BMAL2: variants seen among roughly 807,000 people sequenced by gnomAD.
The protein encoded by BMAL2 is basic helix-loop-helix ARNT-like protein 2.
At chr12:27,363,295 T>TA in the BMAL2 span, among the ~76,000 whole-genome samples, 2 of 152,344 alleles carry the variant, frequency 1.3e-5, no homozygotes, top group Admixed American at 1.3e-4. Flanking sequence ...ATGCATTTCT[T>TA]ATACCTGTCA....
the BMAL2 span, among the ~76,000 whole-genome samples, chr12:27,395,787 A>G: frequency 6.6e-6 from 1 of 152,226 alleles, no homozygotes; most frequent in Non-Finnish European, 1.5e-5. Context: ...GAATTCTGGG[A>G]GGAACTAAAG....
chr12:27,367,301 CTG>C, the BMAL2 span, among the ~76,000 whole-genome samples: 4 of 152,226 alleles, frequency 2.6e-5, no homozygotes, highest in African/African-American at 9.6e-5. Flanking sequence ...AGAGGGATGA[CTG>C]TGGTGTGAGA....
chr12:27,368,176 A>C, the BMAL2 span: 2 of 1,472,748 alleles, frequency 1.4e-6, no homozygotes, highest in Non-Finnish European at 1.8e-6. Context: ...AAGATAGAAA[A>C]GTCATTTAAA....
the BMAL2 span, among the ~76,000 whole-genome samples, chr12:27,375,988 C>G: frequency 6.6e-6 from 1 of 152,120 alleles, no homozygotes; most frequent in Admixed American, 6.5e-5. Context: ...TTTGGTTAAG[C>G]CATCAATGAT....
the BMAL2 span, chr12:27,422,913 G>A: frequency 6.6e-6 from 1 of 152,212 alleles, no homozygotes; most frequent in East Asian, 1.9e-4. Flanking sequence ...GTTTCTAGAG[G>A]GAGACCAGTG....
the BMAL2 span, among the ~76,000 whole-genome samples, chr12:27,404,868 T>C: frequency 2.0e-5 from 3 of 152,084 alleles, no homozygotes. Context: ...GGGTGACAGA[T>C]GGGCACCTGG....
chr12:27,398,048 A>G, the BMAL2 span, among the ~76,000 whole-genome samples: 1 of 152,190 alleles, frequency 6.6e-6, no homozygotes, highest in African/African-American at 2.4e-5. Context: ...AGGAACTTGC[A>G]GGTTTCAGGT....
the BMAL2 span, among the ~76,000 whole-genome samples, chr12:27,396,513 C>CT: frequency 1.3e-5 from 2 of 152,126 alleles, no homozygotes; most frequent in Non-Finnish European, 2.9e-5. Context: ...GCCATGCCAC[C>CT]TACTAGAGTT....
At chr12:27,352,802 G>A in the BMAL2 span, among the ~76,000 whole-genome samples, 1 of 152,110 alleles carries the variant, frequency 6.6e-6, no homozygotes, top group Non-Finnish European at 1.5e-5. Context: ...GCTAAGCTGA[G>A]CACCAAATCA....
the BMAL2 span, chr12:27,333,202 G>T: frequency 2.6e-6 from 3 of 1,139,230 alleles, no homozygotes; most frequent in Non-Finnish European, 3.3e-6. Context: ...CCGCTGCCCC[G>T]AGGGAAGCGC....
the BMAL2 span, among the ~76,000 whole-genome samples, chr12:27,344,466 CA>C: frequency 1.3e-5 from 2 of 152,190 alleles, no homozygotes; most frequent in Non-Finnish European, 2.9e-5. Context: ...TTGGTTTATG[CA>C]ACTGTGGGGC....
the BMAL2 span, among the ~76,000 whole-genome samples, chr12:27,378,548 T>C: frequency 6.6e-6 from 1 of 152,200 alleles, no homozygotes; most frequent in African/African-American, 2.4e-5. Context: ...GTTGCTGCTG[T>C]GGAACATTTG....
At chr12:27,354,793 G>A in the BMAL2 span, among the ~76,000 whole-genome samples, 1 of 152,076 alleles carries the variant, frequency 6.6e-6, no homozygotes, top group African/African-American at 2.4e-5. Context: ...TCAGTTAAGG[G>A]ATATTCAACC....
At chr12:27,417,941 C>T in the BMAL2 span, 2 of 440,664 alleles carry the variant, frequency 4.5e-6, no homozygotes, top group Non-Finnish European at 3.9e-6. Flanking sequence ...TGCAATGAAC[C>T]GAGATCATGC....
chr12:27,396,524 G>A, the BMAL2 span, among the ~76,000 whole-genome samples: 4 of 152,170 alleles, frequency 2.6e-5, no homozygotes, highest in African/African-American at 7.2e-5. Context: ...TACTAGAGTT[G>A]CTTCCTAGAT....
chr12:27,334,813 C>T, the BMAL2 span, among the ~76,000 whole-genome samples: 6 of 152,222 alleles, frequency 3.9e-5, no homozygotes, highest in East Asian at 9.6e-4. Flanking sequence ...CCTAAGATGT[C>T]ACAGACATTT....
the BMAL2 span, among the ~76,000 whole-genome samples, chr12:27,407,836 T>TCGAC: frequency 6.6e-6 from 1 of 151,940 alleles, no homozygotes; most frequent in East Asian, 1.9e-4. Context: ...AAAAAATTGA[T>TCGAC]CGACCGCTAG....
chr12:27,364,278 C>T, the BMAL2 span, among the ~76,000 whole-genome samples: 1 of 152,136 alleles, frequency 6.6e-6, no homozygotes, highest in East Asian at 1.9e-4. Context: ...AACATTCAAA[C>T]CATAGCAAAA....
the BMAL2 span, among the ~76,000 whole-genome samples, chr12:27,341,586 C>T: frequency 2.2e-4 from 33 of 152,286 alleles, 1 homozygote; most frequent in Admixed American, 5.9e-4. Context: ...CATTTATTTC[C>T]GTGACAGCCT....
Sources: allele counts gnomAD v4.1 joint callset (sites outside exome capture counted in the v4.1 genomes callset), GRCh38; gene constraint gnomAD v4.1.1; transcripts MANE v1.5; gene names NCBI Gene and HGNC (gene_info 2026-07-23, HGNC 2026-07-21).